Variants in SYTL5 observed in about 807,000 individuals in gnomAD.
The protein encoded by SYTL5 is synaptotagmin-like protein 5.
SYTL5 carries 34 observed loss-of-function variants against 55.9 expected under a neutral mutation model. The ratio of observed to expected loss-of-function variants is 0.61; its 90% CI spans 0.46 to 0.81. The LOEUF (loss-of-function observed/expected upper bound fraction) is 0.81. Among genes scored for constraint, SYTL5 ranks in the 30% least tolerant of loss-of-function variants. The probability of loss-of-function intolerance (pLI) is 0.00; values close to 1 mark genes in which losing one functional copy is unlikely to be tolerated. For synonymous variants in SYTL5, 221 were observed against 188.7 expected (o/e 1.17, Z -1.40); for missense variants, 637 against 546.7 (o/e 1.17, Z -1.65).
chrX:38,009,633 T>G (rs1364088926), intron 1 of SYTL5, among the ~76,000 whole-genome samples: 1 of 111,518 alleles, frequency 9.0e-6, no homozygotes, highest in East Asian at 2.8e-4. Flanking sequence ...TTTCTCATCC[T>G]TTTTTCCCTC....
chrX:37,920,209 G>A, the SYTL5 span, among the ~76,000 whole-genome samples: 1 of 111,472 alleles, frequency 9.0e-6, no homozygotes, highest in Non-Finnish European at 1.9e-5. Context: ...AGCTCACAGG[G>A]AATTTGTGAT....
At chrX:37,940,941 G>C in the SYTL5 span, among the ~76,000 whole-genome samples, 2 of 110,825 alleles carry the variant, frequency 1.8e-5, no homozygotes, top group South Asian at 7.6e-4. Context: ...TAAGCTTTAG[G>C]GAAGGATGTT....
At chrX:38,046,973 G>A (rs1340763734) in intron 2 of SYTL5, among the ~76,000 whole-genome samples, 4 of 112,068 alleles carry the variant, frequency 3.6e-5, no homozygotes, top group Admixed American at 9.4e-5. Flanking sequence ...TCCAGGTCAC[G>A]CACGCTGATG....
intron 1 of SYTL5, among the ~76,000 whole-genome samples, chrX:38,010,951 T>TCTTATG: frequency 8.9e-6 from 1 of 111,812 alleles, no homozygotes; most frequent in South Asian, 3.8e-4. Context: ...CCACTACCAT[T>TCTTATG]TACATAAGAA....
At chrX:38,058,098 C>T (rs1409042228) in intron 3 of SYTL5, among the ~76,000 whole-genome samples, 1 of 111,155 alleles carries the variant, frequency 9.0e-6, no homozygotes, top group East Asian at 2.8e-4. Flanking sequence ...TATCTTTAAA[C>T]TTATAATCCA....
the SYTL5 span, among the ~76,000 whole-genome samples, chrX:37,978,134 A>G: frequency 8.9e-6 from 1 of 111,779 alleles, no homozygotes; most frequent in South Asian, 3.7e-4. Context: ...ATGAGAATGG[A>G]CCAGAGAAAC....
chrX:37,895,952 TG>T, the SYTL5 span, among the ~76,000 whole-genome samples: 2 of 112,449 alleles, frequency 1.8e-5, no homozygotes, highest in East Asian at 5.6e-4. Context: ...TTAGTACAAA[TG>T]TTTTTTGCAT....
At chrX:38,023,778 C>A (rs1243287582) in intron 1 of SYTL5, 2 of 111,000 alleles carry the variant, frequency 1.8e-5, no homozygotes, top group African/African-American at 6.5e-5. Context: ...TTTTTCAAAT[C>A]TTTCTCTTTT....
chrX:38,113,441 A>C (rs368931390), intron 13 of SYTL5, among the ~76,000 whole-genome samples: 3 of 111,762 alleles, frequency 2.7e-5, no homozygotes, highest in Admixed American at 1.9e-4. Flanking sequence ...TTTTGTCTGT[A>C]ATTCCTTACT....
At chrX:38,070,668 G>C (rs1936235839) in intron 3 of SYTL5, among the ~76,000 whole-genome samples, 1 of 111,086 alleles carries the variant, frequency 9.0e-6, no homozygotes, top group Non-Finnish European at 1.9e-5. Context: ...GTTTTCAATA[G>C]AATTCTCCAC....
the SYTL5 span, among the ~76,000 whole-genome samples, chrX:37,933,397 C>T: frequency 2.7e-5 from 3 of 111,403 alleles, no homozygotes; most frequent in Non-Finnish European, 3.8e-5. Flanking sequence ...CAATAGCCTA[C>T]AATCAGTGAA....
the SYTL5 span, among the ~76,000 whole-genome samples, chrX:37,913,277 G>A: frequency 8.9e-6 from 1 of 112,433 alleles, no homozygotes; most frequent in Non-Finnish European, 1.9e-5. Context: ...CATTCTGTCA[G>A]CAGAGATGAA....
chrX:37,904,004 C>T, the SYTL5 span, among the ~76,000 whole-genome samples: 290 of 111,551 alleles, frequency 2.6e-3, no homozygotes, highest in Middle Eastern at 9.4e-3. Flanking sequence ...AGTCACATTA[C>T]CTTATCCATT....
intron 15 of SYTL5, among the ~76,000 whole-genome samples, chrX:38,124,914 T>G (rs947412357): frequency 2.6e-4 from 29 of 111,588 alleles, no homozygotes; most frequent in African/African-American, 9.1e-4. Context: ...AATTCCTTAA[T>G]TAGAGGAATT....
chrX:38,017,608 T>G (rs1430720405), intron 1 of SYTL5, among the ~76,000 whole-genome samples: 1 of 109,711 alleles, frequency 9.1e-6, no homozygotes, highest in African/African-American at 3.3e-5. Flanking sequence ...GGCTGCTTAT[T>G]CTCATGGCCC....
At chrX:37,936,425 C>G in the SYTL5 span, among the ~76,000 whole-genome samples, 1 of 112,263 alleles carries the variant, frequency 8.9e-6, no homozygotes, top group African/African-American at 3.2e-5. Flanking sequence ...ATTAAGACTT[C>G]ACATTAGCAT....
chrX:38,028,065 C>A (rs1202978985), intron 1 of SYTL5, among the ~76,000 whole-genome samples: 1 of 111,359 alleles, frequency 9.0e-6, no homozygotes, highest in Non-Finnish European at 1.9e-5. Context: ...ACCTTGTGAT[C>A]TGCCCACCTC....
At chrX:38,066,966 G>T (rs933725769) in intron 3 of SYTL5, among the ~76,000 whole-genome samples, 8 of 111,585 alleles carry the variant, frequency 7.2e-5, no homozygotes, top group African/African-American at 2.6e-4. Flanking sequence ...TATATAAAGT[G>T]ACTAGCCTAT....
the SYTL5 span, among the ~76,000 whole-genome samples, chrX:37,970,185 T>C: frequency 9.0e-6 from 1 of 111,484 alleles, no homozygotes; most frequent in African/African-American, 3.3e-5. Flanking sequence ...TACAACCCCT[T>C]TAAAAATTCA....
Sources: allele counts gnomAD v4.1 joint callset (sites outside exome capture counted in the v4.1 genomes callset), GRCh38; gene constraint gnomAD v4.1.1; transcripts MANE v1.5; gene names NCBI Gene and HGNC (gene_info 2026-07-23, HGNC 2026-07-21).